Variants in LAMA2 observed in about 807,000 individuals in gnomAD.
The protein encoded by LAMA2 is laminin subunit alpha 2, also known as laminin subunit alpha-2.
A neutral mutation model predicts 364.8 loss-of-function variants in LAMA2; 269 were observed. That is an observed-to-expected ratio of 0.74 (90% confidence interval 0.67 to 0.82). LAMA2 has a LOEUF of 0.82. Among genes scored for constraint, LAMA2 ranks in the 40% least tolerant of loss-of-function variants. The pLI, the probability that LAMA2 is intolerant of heterozygous loss-of-function variation, is 0.00. For synonymous variants in LAMA2, 1,379 were observed against 1,370.6 expected (o/e 1.01, Z -0.14); for missense variants, 3,807 against 3,873.2 (o/e 0.98, Z 0.45).
At chr6:129,322,007 C>T (rs1260016507) in intron 28 of LAMA2, among the ~76,000 whole-genome samples, 2 of 152,282 alleles carry the variant, frequency 1.3e-5, no homozygotes, top group Non-Finnish European at 1.5e-5. Context: ...TAAATGGAAA[C>T]GTATGTGTGA....
At position 129,505,312 on chromosome 6, in the gene LAMA2, TTGG is replaced by T; in HGVS notation, c.8664_8666del (p.Gly2889del). 3 of 1,614,016 alleles carry T rather than the reference TTGG, an allele frequency of 1.9e-6. No homozygotes were observed. Among genetic ancestry groups the T allele is most frequent in the Non-Finnish European group, 2.5e-6 (3 of 1,179,894 alleles). ...CTGGATGTCGTGGGAATGCTGTATG[TTGG>T]TGGGTTACCCATCAACTACACTACC... On this transcript the variant is annotated inframe_deletion, in exon 61 of 65. Transcript: ENST00000421865.
At chr6:129,095,824 G>A (rs1449677037) in intron 3 of LAMA2, among the ~76,000 whole-genome samples, 1 of 151,884 alleles carries the variant, frequency 6.6e-6, no homozygotes, top group Non-Finnish European at 1.5e-5. Context: ...TTGGGAGGCT[G>A]AGGCAGGAGA....
At chr6:129,192,919 G>A in intron 12 of LAMA2, 66 bp downstream of exon 12, 1 of 1,470,764 alleles carries the variant, frequency 6.8e-7, no homozygotes, top group South Asian at 1.2e-5. Context: ...GGTTTTAGTT[G>A]GTAATTCTTT....
At chr6:128,977,991 G>T (rs577297468) in intron 1 of LAMA2, among the ~76,000 whole-genome samples, 1 of 152,190 alleles carries the variant, frequency 6.6e-6, no homozygotes, top group East Asian at 1.9e-4. Flanking sequence ...TTCTTTTAAA[G>T]AGAAATTTTT....
chr6:128,916,718 A>G (rs941057882), intron 1 of LAMA2, among the ~76,000 whole-genome samples: 1 of 152,146 alleles, frequency 6.6e-6, no homozygotes, highest in African/African-American at 2.4e-5. Context: ...GAAGCATTTG[A>G]TGTTGGCAGC....
intron 38 of LAMA2, among the ~76,000 whole-genome samples, chr6:129,401,860 C>G (rs1009033824): frequency 2.6e-5 from 4 of 151,998 alleles, no homozygotes; most frequent in African/African-American, 7.3e-5. Flanking sequence ...TAAATAATGA[C>G]TTTAATTCTC....
At chr6:129,160,805 T>A (rs932266449) in intron 8 of LAMA2, among the ~76,000 whole-genome samples, 5 of 151,906 alleles carry the variant, frequency 3.3e-5, no homozygotes, top group Non-Finnish European at 7.4e-5. Flanking sequence ...TCTTGTGATT[T>A]ATTTTTTGTT....
chr6:128,915,513 G>A (rs1345170706), intron 1 of LAMA2, among the ~76,000 whole-genome samples: 5 of 152,150 alleles, frequency 3.3e-5, no homozygotes, highest in African/African-American at 1.2e-4. Flanking sequence ...CTGCTTACCA[G>A]CAGTTTACCA....
intron 22 of LAMA2, among the ~76,000 whole-genome samples, chr6:129,302,889 T>C (rs991312730): frequency 6.6e-6 from 1 of 152,166 alleles, no homozygotes; most frequent in African/African-American, 2.4e-5. Context: ...TCAGGTATTG[T>C]AAATTCCTCA....
At chr6:129,451,332 A>T (rs1275473840) in intron 45 of LAMA2, among the ~76,000 whole-genome samples, 3 of 152,206 alleles carry the variant, frequency 2.0e-5, no homozygotes, top group Non-Finnish European at 2.9e-5. Context: ...TCTCCCTAGG[A>T]CACAGAACAA....
rs535140386 is a variant in LAMA2, at chr6:129,380,142, G to A, written c.4960-2980G>A. On this transcript the variant is annotated intron_variant, in intron 34 of 64. Transcript: ENST00000421865. ...ATTTTTGAAAATCTAAGAAAAGAGA[G>A]CATGTGCTAGAATAGGTAAGGAGGG... Among the ~76,000 whole-genome samples the A allele has an allele frequency of 5.3e-5, 8 of 152,310 alleles. No individual in the cohort carries two copies. In the South Asian group the frequency reaches 1.5e-3, roughly 28 times the overall value.
intron 4 of LAMA2, among the ~76,000 whole-genome samples, chr6:129,141,643 C>A (rs548011519): frequency 6.6e-6 from 1 of 152,158 alleles, no homozygotes; most frequent in Non-Finnish European, 1.5e-5. Flanking sequence ...TATCTAAATG[C>A]AGGACGTTAG....
intron 1 of LAMA2, among the ~76,000 whole-genome samples, chr6:128,941,763 C>T (rs924869894): frequency 6.6e-6 from 1 of 152,096 alleles, no homozygotes; most frequent in African/African-American, 2.4e-5. Flanking sequence ...TATATTCTCA[C>T]GTGATCCAAA....
At chr6:128,971,187 G>A (rs1355104567) in intron 1 of LAMA2, among the ~76,000 whole-genome samples, 1 of 151,728 alleles carries the variant, frequency 6.6e-6, no homozygotes, top group Admixed American at 6.6e-5. Flanking sequence ...AAAGCACTTT[G>A]AAGCATTTTG....
intron 22 of LAMA2, among the ~76,000 whole-genome samples, chr6:129,304,936 GT>G (rs955081440): frequency 6.6e-6 from 1 of 152,114 alleles, no homozygotes; most frequent in Admixed American, 6.5e-5. Context: ...AAAATAATGT[GT>G]ATTCTGGAGT....
Position 128,904,367 on chromosome 6 carries a change from AT to A in LAMA2, c.112+21019del, listed in dbSNP as rs549665008. ...ATTCTACAATAATGTGATTCAGAGA[AT>A]TTTTTTTTCCTTTGTCTCTATCTCC... On this transcript the variant is annotated intron_variant, in intron 1 of 64. Coordinates refer to ENST00000421865, the MANE Select transcript of LAMA2 (RefSeq NM_000426.4). Among the ~76,000 whole-genome samples, 877 of 149,344 alleles carry A rather than the reference AT, an allele frequency of 5.9e-3. 8 individuals carry two copies. The highest frequency in any genetic ancestry group is 0.021 in the African/African-American group (836 of 40,578).
intron 22 of LAMA2, among the ~76,000 whole-genome samples, chr6:129,305,997 C>T (rs975614061): frequency 9.9e-5 from 15 of 151,914 alleles, no homozygotes; most frequent in African/African-American, 2.2e-4. Flanking sequence ...TTACATTTAG[C>T]GTAAGAACCT....
chr6:129,289,865 C>T (rs1789572696), intron 19 of LAMA2, among the ~76,000 whole-genome samples: 4 of 151,950 alleles, frequency 2.6e-5, no homozygotes, highest in African/African-American at 9.7e-5. Flanking sequence ...CATATAATCA[C>T]AATTAAAAGT....
chr6:129,379,635 C>T (rs1778568952), intron 34 of LAMA2, among the ~76,000 whole-genome samples: 1 of 152,134 alleles, frequency 6.6e-6, no homozygotes, highest in Non-Finnish European at 1.5e-5. Flanking sequence ...CCTACTGCCA[C>T]TCCCACCCCA....
Sources: allele counts gnomAD v4.1 joint callset (sites outside exome capture counted in the v4.1 genomes callset), GRCh38; gene constraint gnomAD v4.1.1; transcripts MANE v1.5; gene names NCBI Gene and HGNC (gene_info 2026-07-23, HGNC 2026-07-21).